FAM81A: variants seen among roughly 807,000 people sequenced by gnomAD.
FAM81A encodes the protein protein FAM81A.
Under a neutral mutation model 46.7 loss-of-function variants are expected in FAM81A, and 19 were observed. The observed-to-expected ratio is 0.41, with a 90% CI of 0.28 to 0.60. The LOEUF is 0.60. FAM81A is among the 20% of genes least tolerant of loss of function. The pLI is 0.34. For missense variants in FAM81A, 377 were observed against 453.5 expected (o/e 0.83, Z 1.53); for synonymous variants, 183 against 152.9 (o/e 1.20, Z -1.45).
chr15:59,430,351 G>A (rs1033725868), intron 2 of FAM81A, among the ~76,000 whole-genome samples: 8 of 131,016 alleles, frequency 6.1e-5, no homozygotes, highest in African/African-American at 8.7e-5. Context: ...TGCAACCTCC[G>A]CCTCCCGGGT....
At chr15:59,401,071 AT>A (rs375526761) in intron 1 of FAM81A, 105 of 526,950 alleles carry the variant, frequency 2.0e-4, no homozygotes, top group African/African-American at 1.6e-3. Flanking sequence ...ATGATTTTGT[AT>A]TTTTTTTCCA....
At chr15:59,496,862 A>G (rs370533814) in intron 4 of FAM81A, among the ~76,000 whole-genome samples, 1 of 152,036 alleles carries the variant, frequency 6.6e-6, no homozygotes, top group South Asian at 2.1e-4. Context: ...GCAGTGGCTC[A>G]CGCTTGTAGT....
At chr15:59,504,840 T>C (rs2082132467) in intron 4 of FAM81A, among the ~76,000 whole-genome samples, 1 of 152,236 alleles carries the variant, frequency 6.6e-6, no homozygotes, top group African/African-American at 2.4e-5. Flanking sequence ...TGTCAGTTTT[T>C]GGTAGCTTTG....
chr15:59,495,798 C>T (rs146763664), intron 4 of FAM81A, among the ~76,000 whole-genome samples: 3 of 152,154 alleles, frequency 2.0e-5, no homozygotes, highest in Admixed American at 6.5e-5. Context: ...TGTGCTTGCT[C>T]GTCATTGGCA....
chr15:59,466,606 G>A (rs2081616720), intron 3 of FAM81A, among the ~76,000 whole-genome samples: 1 of 152,096 alleles, frequency 6.6e-6, no homozygotes, highest in African/African-American at 2.4e-5. Context: ...CTGGATGTTA[G>A]CCCTTTGTCA....
intron 1 of FAM81A, chr15:59,444,395 G>A (rs914852822): frequency 6.6e-6 from 1 of 152,166 alleles, no homozygotes. Context: ...TGGAAAAAAT[G>A]ATTCTTCCCT....
chr15:59,401,597 A>T (rs2081070677), intron 1 of FAM81A: 1 of 876,502 alleles, frequency 1.1e-6, no homozygotes. Flanking sequence ...TGTTCGAATA[A>T]CTTTTAATAC....
chr15:59,440,922 A>T (rs1450064389), intron 1 of FAM81A, among the ~76,000 whole-genome samples: 1 of 152,064 alleles, frequency 6.6e-6, no homozygotes, highest in South Asian at 2.1e-4. Context: ...AGCCTGCCAC[A>T]TTATCTAGGA....
In FAM81A at chr15:59,515,924, G is replaced by A. The variant is rs1381056999; in HGVS notation, c.787-721G>A. Among the ~76,000 whole-genome samples the A allele has an allele frequency of 2.6e-5, 4 of 152,268 alleles. No individual in the cohort carries two copies. The East Asian group carries it at 7.7e-4, about 29-fold the overall frequency. The stretch of plus-strand genomic sequence containing the variant: ...AGCTTCTCAGTCCTCAGTGACCCAG[G>A]ATCCTTCCAGTTTAACTTTTTGCCA... On this transcript the variant is annotated intron_variant, in intron 7 of 8. Transcript: ENST00000288228.
intron 2 of FAM81A, among the ~76,000 whole-genome samples, chr15:59,406,297 G>A (rs2081094600): frequency 6.6e-6 from 1 of 152,184 alleles, no homozygotes; most frequent in Non-Finnish European, 1.5e-5. Context: ...TCATTTAACT[G>A]GCACTCTGCT....
chr15:59,408,428 C>T (rs1487624686), intron 2 of FAM81A, among the ~76,000 whole-genome samples: 1 of 152,198 alleles, frequency 6.6e-6, no homozygotes, highest in Non-Finnish European at 1.5e-5. Context: ...GGTGCAATGG[C>T]TCATGCCTAT....
chr15:59,463,120 A>C (rs1401219266), intron 3 of FAM81A, among the ~76,000 whole-genome samples: 1 of 152,146 alleles, frequency 6.6e-6, no homozygotes, highest in African/African-American at 2.4e-5. Flanking sequence ...ATTTTCTCCT[A>C]TGTTTAATTC....
intron 6 of FAM81A, among the ~76,000 whole-genome samples, chr15:59,510,239 GC>G (rs1352732600): frequency 1.3e-5 from 2 of 151,904 alleles, no homozygotes. Flanking sequence ...GGTGGCACAG[GC>G]CTGTAATCCC....
chr15:59,501,367 T>C (rs551672077), intron 4 of FAM81A, among the ~76,000 whole-genome samples: 102 of 152,354 alleles, frequency 6.7e-4, no homozygotes, highest in African/African-American at 2.4e-3. Flanking sequence ...ATTGCTAGCA[T>C]ATTGCTATAC....
At chr15:59,462,189 C>T (rs1175844003) in intron 3 of FAM81A, among the ~76,000 whole-genome samples, 8 of 140,552 alleles carry the variant, frequency 5.7e-5, no homozygotes, top group East Asian at 2.0e-4. Flanking sequence ...GGCGACAGAG[C>T]GAGACTGCAT....
intron 3 of FAM81A, among the ~76,000 whole-genome samples, chr15:59,467,324 T>G (rs1483096372): frequency 6.6e-6 from 1 of 152,238 alleles, no homozygotes; most frequent in Non-Finnish European, 1.5e-5. Context: ...CGATATTGAT[T>G]CTTCCTATCC....
At chr15:59,451,675 A>C (rs148066106) in intron 1 of FAM81A, among the ~76,000 whole-genome samples, 163 of 151,654 alleles carry the variant, frequency 1.1e-3, no homozygotes, top group African/African-American at 3.9e-3. Context: ...CTGGTGTTGA[A>C]CTCCTGACCT....
intron 2 of FAM81A, among the ~76,000 whole-genome samples, chr15:59,415,730 T>C (rs766026001): frequency 9.2e-5 from 14 of 152,330 alleles, no homozygotes; most frequent in Admixed American, 3.3e-4. Context: ...TTTAAGCCAC[T>C]AAGTTCATGA....
chr15:59,503,675 C>T (rs555383481), intron 4 of FAM81A, among the ~76,000 whole-genome samples: 26 of 152,120 alleles, frequency 1.7e-4, no homozygotes, highest in African/African-American at 3.4e-4. Context: ...CAGGCTCAAG[C>T]GATTCTTGTG....
Sources: gnomAD v4.1 joint callset for allele counts (sites outside exome capture counted in the v4.1 genomes callset) on GRCh38, gnomAD v4.1.1 for gene constraint, MANE v1.5 for transcripts, NCBI Gene and HGNC (gene_info 2026-07-23, HGNC 2026-07-21) for gene names.